Variants in KIRREL1 observed in about 807,000 individuals in gnomAD.
KIRREL1 encodes the protein kin of IRRE-like protein 1.
KIRREL1 carries 25 observed loss-of-function variants against 83.3 expected under a neutral mutation model. The ratio of observed to expected loss-of-function variants is 0.30; its 90% CI spans 0.22 to 0.42. The LOEUF is 0.42. Ranked by LOEUF, KIRREL1 falls within the 10% of genes least tolerant of loss-of-function variation. KIRREL1 has a pLI of 1.00. For missense variants in KIRREL1, 812 were observed against 1,032.3 expected, an observed-to-expected ratio of 0.79 and a Z score of 2.92; for synonymous variants, 388 against 410.4, an observed-to-expected ratio of 0.95 and a Z score of 0.66.
chr1:158,024,210 G>T (rs1328267034), intron 1 of KIRREL1, among the ~76,000 whole-genome samples: 1 of 150,658 alleles, frequency 6.6e-6, no homozygotes, highest in African/African-American at 2.4e-5. Context: ...GGGCCTCCCA[G>T]AGTGCTAGGA....
intron 1 of KIRREL1, among the ~76,000 whole-genome samples, chr1:158,060,896 A>G (rs1229601462): frequency 6.6e-6 from 1 of 152,146 alleles, no homozygotes; most frequent in Non-Finnish European, 1.5e-5. Context: ...TGGCTGGATG[A>G]AATACCCAAA....
In KIRREL1 at chr1:158,096,452, G is replaced by T; in HGVS notation, c.*1332G>T. 2.6e-6 allele frequency: 1 copy of T among 384,930 alleles called. No homozygotes were observed. The highest frequency in any genetic ancestry group is 2.9e-5 in the Admixed American group (1 of 34,136). 23.8% of individuals were successfully genotyped at this position (384,930 alleles called of 1,614,324 possible). On this transcript the variant is annotated 3_prime_UTR_variant, in exon 15 of 15. Coordinates refer to ENST00000359209, the MANE Select transcript of KIRREL1 (RefSeq NM_018240.7). ...TCAAGCTTTGGATGACCGACCCTAT[G>T]TGGGCGGTTGTGTGGGGAGTGGGTA...
At chr1:158,002,767 C>T (rs545748533) in intron 1 of KIRREL1, among the ~76,000 whole-genome samples, 15 of 152,124 alleles carry the variant, frequency 9.9e-5, no homozygotes, top group Admixed American at 7.9e-4. Flanking sequence ...AGGGAGGGGG[C>T]CACAGATGTG....
chr1:158,086,434 A>G (rs886198286), intron 4 of KIRREL1, among the ~76,000 whole-genome samples, 162 bp from the exon 5 acceptor site: 1 of 151,664 alleles, frequency 6.6e-6, no homozygotes, highest in African/African-American at 2.4e-5. Context: ...ACACACACAC[A>G]CACACACACA....
intron 1 of KIRREL1, among the ~76,000 whole-genome samples, chr1:158,034,281 AAAAAAG>A (rs1290223357): frequency 0.018 from 2,388 of 131,338 alleles, 65 homozygotes; most frequent in African/African-American, 0.061. Context: ...AAAAAAAAAA[AAAAAAG>A]AAAAAAAGAA....
At chr1:158,064,995 G>C (rs1439000696) in intron 1 of KIRREL1, among the ~76,000 whole-genome samples, 1 of 150,814 alleles carries the variant, frequency 6.6e-6, no homozygotes, top group Non-Finnish European at 1.5e-5. Flanking sequence ...GGGGGTGGGA[G>C]GTGAGGAGGC....
chr1:158,065,477 T>G (rs1286049251), intron 1 of KIRREL1, among the ~76,000 whole-genome samples: 1 of 151,978 alleles, frequency 6.6e-6, no homozygotes, highest in African/African-American at 2.4e-5. Flanking sequence ...CAGGAAAAAT[T>G]TTGTGCCTGC....
At chr1:158,022,335 T>C (rs1467085407) in intron 1 of KIRREL1, among the ~76,000 whole-genome samples, 1 of 152,198 alleles carries the variant, frequency 6.6e-6, no homozygotes, top group Non-Finnish European at 1.5e-5. Context: ...AAACACCTAC[T>C]ATGTTCTGGG....
At chr1:158,029,287 C>T (rs1467367594) in intron 1 of KIRREL1, among the ~76,000 whole-genome samples, 1 of 151,684 alleles carries the variant, frequency 6.6e-6, no homozygotes, top group East Asian at 1.9e-4. Context: ...CCACAGAGTG[C>T]ATCTTCAATA....
At position 158,094,841 on chromosome 1, in the gene KIRREL1, C is replaced by A; in HGVS notation, c.1995C>A (p.Pro665=). 1 of 1,613,984 alleles carries A rather than the reference C, an allele frequency of 6.2e-7. No homozygotes were observed. Among genetic ancestry groups the A allele is most frequent in the African/African-American group, 1.3e-5 (1 of 75,032 alleles). ...CTGCCTCTGACTATGGCCCTGAGCC[C>A]ACACCCCCTGGCCCTGCTGCCCCAG... The part of the protein sequence containing the change: ...RGPASDYGPE[P]TPPGPAAPAG... Residue 665 remains proline, a synonymous_variant, in exon 15 of 15, where the codon CCC becomes CCA. Transcript: ENST00000359209. The surrounding 1 kb of genome is among the most constrained non-coding windows in gnomAD (Gnocchi z 4.6).
chr1:158,088,436 C>T lies in KIRREL1; in HGVS notation c.1026C>T (p.Thr342=), dbSNP rs376080978. 3.5e-5 allele frequency: 55 copies of T among 1,581,736 alleles called. No homozygotes were observed. The highest frequency in any genetic ancestry group is 4.7e-5 in the Non-Finnish European group (54 of 1,160,058). The change falls in exon 8 of 15, where the codon ACC becomes ACT. Residue 342 remains threonine (T), a synonymous_variant. Coordinates refer to ENST00000359209, the MANE Select transcript of KIRREL1 (RefSeq NM_018240.7). ...ATCCCCCCCTCACTCTCACCTGGAC[C>T]AAAAAGGACTCAAATATGGTAAGAC... The part of the protein sequence containing the change: ...VGNPPLTLTW[T]KKDSNMVLSN...
chr1:158,064,143 T>A (rs1375261041), intron 1 of KIRREL1, among the ~76,000 whole-genome samples: 1 of 152,180 alleles, frequency 6.6e-6, no homozygotes, highest in Non-Finnish European at 1.5e-5. Flanking sequence ...CGACTAAGAT[T>A]ACATTTATTG....
At position 158,097,618 on chromosome 1, in the gene KIRREL1, C is replaced by T. The variant is rs1170422003; in HGVS notation, c.*2498C>T. 1.3e-5 allele frequency: 2 copies of T among 154,556 alleles called. No homozygotes were observed. The highest frequency in any genetic ancestry group is 2.9e-5 in the Non-Finnish European group (2 of 69,856). The allele number at this position is 154,556 out of a possible 1,614,324, so 9.6% of individuals were successfully genotyped here. On this transcript the variant is annotated 3_prime_UTR_variant, in exon 15 of 15. Transcript: ENST00000359209. ...GCATCAGCAACCAAGGTAGTCTCTG[C>T]CCTCTGTAACTTACGTGTTGGTGCA...
At chr1:158,092,975 A>T (rs964011602) in intron 11 of KIRREL1, among the ~76,000 whole-genome samples, 4 of 152,104 alleles carry the variant, frequency 2.6e-5, no homozygotes, top group African/African-American at 9.7e-5. Flanking sequence ...GAGAGTTTGG[A>T]GACAGCTGAC....
intron 4 of KIRREL1, 64 bp downstream of exon 4, chr1:158,084,643 CA>C (rs1661967977): frequency 2.7e-6 from 4 of 1,507,176 alleles, no homozygotes; most frequent in Non-Finnish European, 2.7e-6. Flanking sequence ...TCCTTTCCCA[CA>C]GGGGTTTCAC....
rs1247949055 is a variant in KIRREL1 at position 158,087,216 on chromosome 1, G to A, written c.661+470G>A. On this transcript the variant is annotated intron_variant, in intron 5 of 14. Transcript: ENST00000359209. The stretch of plus-strand genomic sequence containing the variant: ...CTGCTGGGGATCTTACACAGTAAAC[G>A]CTCTATGCACAACCATTGCCTTTCT... Among the ~76,000 whole-genome samples the A allele has an allele frequency of 3.3e-5, 5 of 152,116 alleles. No homozygotes were observed. In the East Asian group the frequency reaches 5.8e-4, roughly 18 times the overall value.
At chr1:158,010,049 GAGA>G (rs1659629620) in intron 1 of KIRREL1, among the ~76,000 whole-genome samples, 1 of 152,140 alleles carries the variant, frequency 6.6e-6, no homozygotes, top group Admixed American at 6.5e-5. Flanking sequence ...ATCATAAAAT[GAGA>G]AGGTTAATTT....
At chr1:158,052,072 A>G (rs995512879) in intron 1 of KIRREL1, among the ~76,000 whole-genome samples, 4 of 152,144 alleles carry the variant, frequency 2.6e-5, no homozygotes, top group African/African-American at 9.7e-5. Flanking sequence ...GTTCTGCCTT[A>G]TCACTTCTCT....
chr1:158,071,076 C>T (rs1442097063), intron 1 of KIRREL1, among the ~76,000 whole-genome samples: 3 of 152,146 alleles, frequency 2.0e-5, no homozygotes, highest in Non-Finnish European at 4.4e-5. Context: ...GTCTCCATCT[C>T]TCTGCCTTCC....
Sources: gnomAD v4.1 joint callset for allele counts (sites outside exome capture counted in the v4.1 genomes callset) on GRCh38, gnomAD v4.1.1 for gene constraint, Gnocchi (gnomAD v3.1) non-coding constraint, MANE v1.5 for transcripts, NCBI Gene and HGNC (gene_info 2026-07-23, HGNC 2026-07-21) for gene names.